The following DHX9 variants were observed in gnomAD, a reference collection of about 807,000 sequenced individuals.
The protein encoded by DHX9 is DExH-box helicase 9, also known as ATP-dependent RNA helicase A.
In DHX9, 27 loss-of-function variants were observed where a neutral mutation model predicts 148.7. That is an observed-to-expected ratio of 0.18 (90% confidence interval 0.13 to 0.25). DHX9 has a LOEUF of 0.25. DHX9 is among the 10% of genes least tolerant of loss of function. The pLI, the probability that DHX9 is intolerant of heterozygous loss-of-function variation, is 1.00. For missense variants in DHX9, 796 were observed against 1,559.6 expected, an observed-to-expected ratio of 0.51 and a Z score of 8.25; for synonymous variants, 529 against 516.6, an observed-to-expected ratio of 1.02 and a Z score of -0.33.
Position 182,872,366 on chromosome 1 carries a change from T to A in DHX9, c.1587T>A (p.Asp529Glu). The A allele has an allele frequency of 6.2e-7, 1 of 1,613,262 alleles. No homozygotes were observed. Among genetic ancestry groups the A allele is most frequent in the Non-Finnish European group, 8.5e-7 (1 of 1,179,750 alleles). ...ACTTCCTTTTGGTAGTACTGCGTGA[T>A]GTTGTTCAGGCTTATCCTGAAGTTC... ...NTDFLLVVLR[D>E]VVQAYPEVRI... The change falls in exon 15 of 28, where the codon GAT becomes GAA. Residue 529 changes from aspartate (D) to glutamate (E), a missense_variant. Physicochemically the swap from Asp to Glu is conservative, Grantham distance 45. Transcript: ENST00000367549.
chr1:182,850,015 G>A (rs552661367), intron 3 of DHX9, among the ~76,000 whole-genome samples: 28 of 132,148 alleles, frequency 2.1e-4, no homozygotes, highest in Admixed American at 3.4e-4. Context: ...TTTCATCAGC[G>A]TTCAGCTTTA....
chr1:182,842,556 A>T lies in DHX9; in HGVS notation c.-11A>T, dbSNP rs747534665. The T allele has an allele frequency of 6.2e-7, 1 of 1,601,162 alleles. No individual in the cohort carries two copies. Among genetic ancestry groups the T allele is most frequent in the Admixed American group, 1.7e-5 (1 of 59,358 alleles). The stretch of plus-strand genomic sequence containing the variant: ...TTTTGTTTTCTTAGATCTGAAGAAG[A>T]CACTTGAATCATGGGTGACGTTAAA... On this transcript the variant is annotated 5_prime_UTR_variant, in exon 2 of 28. Transcript: ENST00000367549.
intron 8 of DHX9, 39 bp from the exon 9 acceptor site, chr1:182,858,509 AGAT>A: frequency 6.7e-7 from 1 of 1,501,974 alleles, no homozygotes; most frequent in East Asian, 2.3e-5. Flanking sequence ...CCATTATAGT[AGAT>A]TTGAGTAGTG....
intron 22 of DHX9, among the ~76,000 whole-genome samples, chr1:182,880,931 G>A (rs977567447): frequency 2.0e-5 from 3 of 152,210 alleles, no homozygotes; most frequent in Non-Finnish European, 2.9e-5. Context: ...TTAATAGTTG[G>A]TCTTGAAAGA....
chr1:182,864,894 A>AT (rs1648221411), intron 12 of DHX9, among the ~76,000 whole-genome samples: 1 of 152,194 alleles, frequency 6.6e-6, no homozygotes, highest in Non-Finnish European at 1.5e-5. Context: ...GAAACTGACC[A>AT]TCTCCTGCGC....
chr1:182,884,860 C>G (rs758189305), intron 27 of DHX9, 47 bp downstream of exon 27: 49 of 1,576,560 alleles, frequency 3.1e-5, no homozygotes, highest in Non-Finnish European at 3.9e-5. Flanking sequence ...GGGGAGAGAT[C>G]TTATGTAGGC....
intron 19 of DHX9, 104 bp downstream of exon 19, chr1:182,877,007 T>C: frequency 1.4e-6 from 1 of 718,632 alleles, no homozygotes. Context: ...TCCTGTGTTC[T>C]TAAATCTCCA....
At chr1:182,868,747 C>T (rs1237557516) in intron 14 of DHX9, among the ~76,000 whole-genome samples, 1 of 152,050 alleles carries the variant, frequency 6.6e-6, no homozygotes, top group Non-Finnish European at 1.5e-5. Context: ...AAACTCCTAA[C>T]TTCAGGTGAT....
chr1:182,859,221 T>C (rs1473158190), intron 11 of DHX9, 104 bp downstream of exon 11: 2 of 925,258 alleles, frequency 2.2e-6, no homozygotes, highest in Non-Finnish European at 3.4e-6. Flanking sequence ...AAGGAGGGCA[T>C]ATCAAAAGAT....
intron 20 of DHX9, among the ~76,000 whole-genome samples, chr1:182,878,593 C>T (rs1370282119): frequency 6.6e-6 from 1 of 152,134 alleles, no homozygotes; most frequent in African/African-American, 2.4e-5. Flanking sequence ...ATCATGATCT[C>T]CCAATAAGTG....
At chr1:182,886,879 T>C (rs1042799031) in intron 27 of DHX9, among the ~76,000 whole-genome samples, 1 of 152,224 alleles carries the variant, frequency 6.6e-6, no homozygotes, top group African/African-American at 2.4e-5. Context: ...ACCTTTGAGA[T>C]TGAACCAGAA....
At chr1:182,869,021 T>C (rs1648425321) in intron 14 of DHX9, among the ~76,000 whole-genome samples, 1 of 152,224 alleles carries the variant, frequency 6.6e-6, no homozygotes, top group Non-Finnish European at 1.5e-5. Context: ...TGCTTGTTAA[T>C]GTAGCAATGT....
At chr1:182,847,275 A>G (rs1011239756) in intron 3 of DHX9, among the ~76,000 whole-genome samples, 1 of 152,232 alleles carries the variant, frequency 6.6e-6, no homozygotes, top group Admixed American at 6.5e-5. Flanking sequence ...TTGTGTATCA[A>G]ATAATTTTTT....
intron 5 of DHX9, among the ~76,000 whole-genome samples, chr1:182,853,758 G>A (rs1668203851): frequency 6.6e-6 from 1 of 151,468 alleles, no homozygotes. Flanking sequence ...TCCACTTCAT[G>A]TATTCAGTGT....
At position 182,860,340 on chromosome 1, in the gene DHX9, T is replaced by C. The variant is rs139429143; in HGVS notation, c.1332+156T>C. On this transcript the variant is annotated intron_variant, in intron 12 of 27. Coordinates refer to ENST00000367549, the MANE Select transcript of DHX9 (RefSeq NM_001357.5). ...AAACATAAAAACAACGTAGTCTTTT[T>C]CTAATCTCTAGTATGCTACACTAAT... 285 of 618,814 alleles carry C rather than the reference T, an allele frequency of 4.6e-4. 2 individuals carry two copies. In the Middle Eastern group the frequency reaches 9.2e-3, roughly 20 times the overall value. 38.3% of individuals were successfully genotyped at this position (618,814 alleles called of 1,614,324 possible). A position where few individuals can be genotyped will look rare whatever the true frequency, so the allele number is the denominator to read the frequency against.
chr1:182,872,222 A>G (rs1045240594), intron 14 of DHX9, 115 bp from the exon 15 acceptor site: 1 of 807,786 alleles, frequency 1.2e-6, no homozygotes, highest in Non-Finnish European at 1.9e-6. Context: ...CACTTCTGTG[A>G]GTCATCTAAG....
At chr1:182,848,289 T>C (rs2102591549) in intron 3 of DHX9, among the ~76,000 whole-genome samples, 1 of 152,356 alleles carries the variant, frequency 6.6e-6, no homozygotes, top group East Asian at 1.9e-4. Flanking sequence ...TTTGGGGATG[T>C]ATGGAGATAT....
rs1484701730 is a variant in DHX9, at chr1:182,883,384, A to G, written c.3144+16A>G. ...TGGTGAAAAGGTAAGAAAAGACTAG[A>G]AAAGTTTACATTGAAAGTTGAAATT... On this transcript the variant is annotated intron_variant, in intron 25 of 27. Transcript: ENST00000367549. 2 of 1,606,248 alleles carry G rather than the reference A, an allele frequency of 1.2e-6. No homozygotes were observed. The highest frequency in any genetic ancestry group is 1.7e-6 in the Non-Finnish European group (2 of 1,173,688).
rs572457437 is a variant in DHX9 at position 182,860,799 on chromosome 1, A to G, written c.1332+615A>G. Among the ~76,000 whole-genome samples the G allele has an allele frequency of 3.9e-5, 6 of 152,340 alleles. No homozygotes were observed. The East Asian group carries it at 5.8e-4, about 15-fold the overall frequency. On this transcript the variant is annotated intron_variant, in intron 12 of 27. Transcript: ENST00000367549. ...CTTACCAGCAATGAGCAGCGCCTGC[A>G]TGTTTGTCCCAGTACTTAGGGAAGA...
Sources: allele counts gnomAD v4.1 joint callset (sites outside exome capture counted in the v4.1 genomes callset), GRCh38; gene constraint gnomAD v4.1.1; transcripts MANE v1.5; gene names NCBI Gene and HGNC (gene_info 2026-07-23, HGNC 2026-07-21).